Variants in COL11A1 observed in about 807,000 individuals in gnomAD.
COL11A1 encodes the protein collagen type XI alpha 1 chain.
COL11A1 carries 74 observed loss-of-function variants against 265.2 expected under a neutral mutation model. The ratio of observed to expected loss-of-function variants is 0.28; its 90% CI spans 0.23 to 0.34. The LOEUF (loss-of-function observed/expected upper bound fraction) is 0.34. Among genes scored for constraint, COL11A1 ranks in the 10% least tolerant of loss-of-function variants. COL11A1 has a pLI of 1.00. For missense variants in COL11A1, 2,165 were observed against 2,263.6 expected, an observed-to-expected ratio of 0.96 and a Z score of 0.88; for synonymous variants, 816 against 727.6, an observed-to-expected ratio of 1.12 and a Z score of -1.96.
chr1:102,968,919 T>A (rs1232485685), intron 37 of COL11A1, among the ~76,000 whole-genome samples: 1 of 152,206 alleles, frequency 6.6e-6, no homozygotes, highest in South Asian at 2.1e-4. Context: ...TCTCTGGGTA[T>A]CCTTTCCCCA....
chr1:102,880,399 C>A (rs981363235), intron 65 of COL11A1, among the ~76,000 whole-genome samples: 1 of 152,154 alleles, frequency 6.6e-6, no homozygotes, highest in African/African-American at 2.4e-5. Context: ...CATGTTCCTA[C>A]ACTTTTCATT....
intron 4 of COL11A1, among the ~76,000 whole-genome samples, chr1:103,033,025 T>C (rs995976205): frequency 6.6e-6 from 1 of 152,096 alleles, no homozygotes. Context: ...TGGCAGTCAC[T>C]CTCTATCCTT....
intron 4 of COL11A1, among the ~76,000 whole-genome samples, chr1:103,055,585 G>T (rs1380943682): frequency 3.3e-5 from 5 of 152,260 alleles, no homozygotes; most frequent in Middle Eastern, 3.4e-3. Context: ...TTAGGGATTT[G>T]GAAGATGAGG....
chr1:103,022,573 A>T (rs550852809), intron 8 of COL11A1, among the ~76,000 whole-genome samples, 169 bp downstream of exon 8: 11 of 152,340 alleles, frequency 7.2e-5, no homozygotes, highest in African/African-American at 2.6e-4. Flanking sequence ...ACTGCTGAAG[A>T]TTCCCATGTG....
chr1:102,911,239 T>C (rs1481610910), intron 54 of COL11A1, among the ~76,000 whole-genome samples: 1 of 152,174 alleles, frequency 6.6e-6, no homozygotes, highest in Admixed American at 6.6e-5. Context: ...AAATTAAATA[T>C]ATTTTTGGAA....
intron 1 of COL11A1, among the ~76,000 whole-genome samples, chr1:103,083,752 A>G (rs2102329392): frequency 6.6e-6 from 1 of 152,192 alleles, no homozygotes; most frequent in South Asian, 2.1e-4. Flanking sequence ...CATGGATATT[A>G]CTCCATACTT....
intron 28 of COL11A1, 101 bp downstream of exon 28, chr1:102,995,763 A>G (rs946727148): frequency 6.4e-6 from 6 of 944,078 alleles, no homozygotes; most frequent in Non-Finnish European, 6.9e-6. Flanking sequence ...CGTAGTATGT[A>G]GTAATCACTC....
At chr1:103,086,409 T>TTTTGTTTG (rs560314023) in intron 1 of COL11A1, among the ~76,000 whole-genome samples, 5,105 of 151,938 alleles carry the variant, frequency 0.034, 117 homozygotes, top group Middle Eastern at 0.092. Context: ...AACGTATCTA[T>TTTTGTTTG]TTTGTTTGTT....
At chr1:102,907,173 C>T (rs549724678) in intron 54 of COL11A1, among the ~76,000 whole-genome samples, 19 of 152,184 alleles carry the variant, frequency 1.2e-4, no homozygotes, top group South Asian at 4.1e-4. Flanking sequence ...CCACCGTTCT[C>T]ATGTTATTAT....
chr1:103,107,754 C>T (rs1674822408), intron 1 of COL11A1, among the ~76,000 whole-genome samples: 1 of 151,972 alleles, frequency 6.6e-6, no homozygotes, highest in Non-Finnish European at 1.5e-5. Context: ...GTATAACTGC[C>T]CTTGTGTTCA....
chr1:103,103,400 A>G (rs1459534425), intron 1 of COL11A1, among the ~76,000 whole-genome samples: 2 of 152,014 alleles, frequency 1.3e-5, no homozygotes, highest in African/African-American at 4.8e-5. Flanking sequence ...TAGAGAGCAT[A>G]CAAAACTATG....
chr1:102,919,764 T>C (rs1655764350), intron 49 of COL11A1, among the ~76,000 whole-genome samples: 2 of 152,032 alleles, frequency 1.3e-5, no homozygotes, highest in Non-Finnish European at 2.9e-5. Flanking sequence ...AGCCCAGATA[T>C]TGTGGTTCAT....
intron 54 of COL11A1, among the ~76,000 whole-genome samples, chr1:102,903,196 A>G (rs927436903): frequency 8.5e-5 from 13 of 152,148 alleles, no homozygotes; most frequent in Non-Finnish European, 1.8e-4. Context: ...AAGGAAATAT[A>G]CATTCATTCT....
Position 103,021,915 on chromosome 1 carries a change from T to C in COL11A1, c.1246-146A>G. The C allele has an allele frequency of 1.5e-5, 10 of 661,354 alleles. No homozygotes were observed. The South Asian group carries it at 1.8e-4, about 12-fold the overall frequency. 41.0% of individuals were successfully genotyped at this position (661,354 alleles called of 1,614,324 possible). Reference sequence around the variant, plus strand: ...CAGGTTAGAGTGCAGTGGCTCGATCTCCGCTCACTGCAAGCTCGCCTGCCG... The same window carrying C: ...CAGGTTAGAGTGCAGTGGCTCGATCCCCGCTCACTGCAAGCTCGCCTGCCG... On this transcript the variant is annotated intron_variant, in intron 8 of 66. Coordinates refer to ENST00000370096, the MANE Select transcript of COL11A1 (RefSeq NM_001854.4).
chr1:103,035,539 T>C (rs1241694968), intron 4 of COL11A1, among the ~76,000 whole-genome samples: 14 of 152,070 alleles, frequency 9.2e-5, no homozygotes, highest in African/African-American at 3.1e-4. Context: ...TTTATGCAAG[T>C]TTTTTACTCA....
At chr1:103,094,338 G>T (rs927639347) in intron 1 of COL11A1, among the ~76,000 whole-genome samples, 1 of 152,104 alleles carries the variant, frequency 6.6e-6, no homozygotes, top group African/African-American at 2.4e-5. Flanking sequence ...GGCAGAAGTG[G>T]TCTGATTATT....
At chr1:103,057,094 C>T (rs1377998142) in intron 4 of COL11A1, among the ~76,000 whole-genome samples, 3 of 152,100 alleles carry the variant, frequency 2.0e-5, no homozygotes, top group African/African-American at 7.2e-5. Context: ...GCATGTGATG[C>T]TTTTTGATAG....
chr1:103,053,139 G>C (rs1207516810), intron 4 of COL11A1, among the ~76,000 whole-genome samples: 1 of 152,110 alleles, frequency 6.6e-6, no homozygotes, highest in African/African-American at 2.4e-5. Flanking sequence ...CAGCAAAATA[G>C]AAATCCAAAT....
chr1:102,978,810 TG>T (rs1219967271), intron 34 of COL11A1, 49 bp downstream of exon 34: 2 of 1,613,804 alleles, frequency 1.2e-6, no homozygotes, highest in South Asian at 2.2e-5. Flanking sequence ...AGCATCTGCC[TG>T]GAAAAAAAAT....
Sources: gnomAD v4.1 joint callset for allele counts (sites outside exome capture counted in the v4.1 genomes callset) on GRCh38, gnomAD v4.1.1 for gene constraint, MANE v1.5 for transcripts, NCBI Gene and HGNC (gene_info 2026-07-23, HGNC 2026-07-21) for gene names.